Variants in RBFOX1 observed in about 807,000 individuals in gnomAD.
The protein encoded by RBFOX1 is RNA binding protein fox-1 homolog 1.
A neutral mutation model predicts 57.7 loss-of-function variants in RBFOX1; 8 were observed. The ratio of observed to expected loss-of-function variants is 0.14; its 90% CI spans 0.08 to 0.25. RBFOX1 has a LOEUF of 0.25. Ranked by LOEUF, RBFOX1 falls within the 10% of genes least tolerant of loss-of-function variation. The probability of loss-of-function intolerance (pLI) is 1.00; values close to 1 mark genes in which losing one functional copy is unlikely to be tolerated. For synonymous variants in RBFOX1, 326 were observed against 222.4 expected, an observed-to-expected ratio of 1.47 and a Z score of -4.15; for missense variants, 611 against 548.5, an observed-to-expected ratio of 1.11 and a Z score of -1.14.
intron 3 of RBFOX1, among the ~76,000 whole-genome samples, chr16:5,713,716 C>T (rs1221595879): frequency 3.9e-5 from 6 of 152,168 alleles, no homozygotes; most frequent in Non-Finnish European, 7.3e-5. Context: ...TCTGGACGCA[C>T]AAAGTGCCCA....
At chr16:7,014,414 TA>T (rs1299465130) in intron 3 of RBFOX1, among the ~76,000 whole-genome samples, 2 of 151,800 alleles carry the variant, frequency 1.3e-5, no homozygotes, top group African/African-American at 4.8e-5. Context: ...TATTTTATTT[TA>T]TTTTTTTTTA....
chr16:7,068,030 T>C (rs1057113480), intron 4 of RBFOX1, among the ~76,000 whole-genome samples: 6 of 150,544 alleles, frequency 4.0e-5, no homozygotes, highest in African/African-American at 1.5e-4. Flanking sequence ...ATCACTCTCA[T>C]GGTTTGACTC....
intron 4 of RBFOX1, among the ~76,000 whole-genome samples, chr16:7,487,988 T>G (rs1474750478): frequency 6.6e-6 from 1 of 152,124 alleles, no homozygotes; most frequent in Non-Finnish European, 1.5e-5. Context: ...TAATTAACTC[T>G]GGAGCGTAGA....
chr16:6,201,178 G>A (rs1241001467), intron 1 of RBFOX1, among the ~76,000 whole-genome samples: 1 of 152,016 alleles, frequency 6.6e-6, no homozygotes, highest in Non-Finnish European at 1.5e-5. Context: ...TGTATCTATG[G>A]TACCACAGTG....
chr16:6,434,275 G>A (rs1237850376), intron 2 of RBFOX1, among the ~76,000 whole-genome samples: 1 of 152,134 alleles, frequency 6.6e-6, no homozygotes, highest in Admixed American at 6.5e-5. Context: ...CACATTCAGA[G>A]GTTCTGGAGA....
chr16:6,749,098 A>G (rs2074381715), intron 3 of RBFOX1: 1 of 152,206 alleles, frequency 6.6e-6, no homozygotes, highest in Non-Finnish European at 1.5e-5. Flanking sequence ...AGTGAAAAGT[A>G]TTGGAAACCA....
chr16:7,482,576 A>T (rs1277130232), intron 4 of RBFOX1, among the ~76,000 whole-genome samples: 1 of 115,644 alleles, frequency 8.6e-6, no homozygotes, highest in Non-Finnish European at 1.6e-5. Flanking sequence ...TTTGGAAAGC[A>T]GTCATGAAGA....
chr16:7,538,417 T>C (rs2082062330), intron 5 of RBFOX1, among the ~76,000 whole-genome samples: 1 of 152,146 alleles, frequency 6.6e-6, no homozygotes, highest in Admixed American at 6.5e-5. Context: ...GAGGAAAATG[T>C]AATTCTCCTC....
chr16:6,426,136 C>G (rs753692037), intron 2 of RBFOX1, among the ~76,000 whole-genome samples: 5 of 152,022 alleles, frequency 3.3e-5, no homozygotes, highest in Non-Finnish European at 5.9e-5. Flanking sequence ...TATTCTCTCT[C>G]TCTCTGTCTC....
At chr16:6,641,345 C>G (rs2098486005) in intron 2 of RBFOX1, among the ~76,000 whole-genome samples, 1 of 152,128 alleles carries the variant, frequency 6.6e-6, no homozygotes, top group African/African-American at 2.4e-5. Context: ...CCTCCCAACG[C>G]TGACATCTGT....
At chr16:6,293,579 A>G (rs545099993) in intron 1 of RBFOX1, among the ~76,000 whole-genome samples, 1 of 152,246 alleles carries the variant, frequency 6.6e-6, no homozygotes, top group South Asian at 2.1e-4. Context: ...CAAGCAATAA[A>G]CATCTGTGAG....
intron 4 of RBFOX1, among the ~76,000 whole-genome samples, chr16:5,988,395 C>T (rs1272686045): frequency 6.6e-6 from 1 of 152,132 alleles, no homozygotes; most frequent in Non-Finnish European, 1.5e-5. Flanking sequence ...CGTTATCAAG[C>T]CTCTAATATT....
intron 4 of RBFOX1, among the ~76,000 whole-genome samples, chr16:7,385,047 G>A (rs1170835981): frequency 6.6e-6 from 1 of 152,186 alleles, no homozygotes; most frequent in Non-Finnish European, 1.5e-5. Context: ...TACCCTAAGA[G>A]GAGAGGACCT....
At position 5,551,007 on chromosome 16, in the gene RBFOX1, G is replaced by C. The variant is rs115146893; in HGVS notation, c.259-47895G>C. Among the ~76,000 whole-genome samples the C allele has an allele frequency of 3.8e-3, 584 of 152,252 alleles. 1 individual carries two copies. Among genetic ancestry groups the C allele is most frequent in the African/African-American group, 0.013 (556 of 41,546 alleles). On this transcript the variant is annotated intron_variant, in intron 2 of 2. Transcript: ENST00000585867. ...TCTTATTTCTGGCCCATAACTCTCT[G>C]TAATAAAGCATATCAAACGCTCAGG...
At chr16:7,433,113 C>A (rs1299041500) in intron 4 of RBFOX1, among the ~76,000 whole-genome samples, 1 of 152,196 alleles carries the variant, frequency 6.6e-6, no homozygotes, top group Non-Finnish European at 1.5e-5. Flanking sequence ...TTGGTGTGCC[C>A]ATTGAATTCC....
At chr16:6,828,709 G>T (rs972177200) in intron 3 of RBFOX1, among the ~76,000 whole-genome samples, 4 of 151,960 alleles carry the variant, frequency 2.6e-5, no homozygotes, top group African/African-American at 9.7e-5. Context: ...TGTGACTTGG[G>T]ATGTTAATGA....
intron 15 of RBFOX1, chr16:7,710,165 G>A: frequency 1.9e-6 from 2 of 1,028,062 alleles, no homozygotes; most frequent in Non-Finnish European, 2.3e-6. Flanking sequence ...ATTCCATACA[G>A]CTTACAGAGC....
chr16:7,067,781 T>C (rs9923391), intron 4 of RBFOX1, among the ~76,000 whole-genome samples: 104,647 of 147,730 alleles, frequency 0.71, 37,775 homozygotes, highest in East Asian at 0.91. Context: ...TGAGAATATG[T>C]GTTGTTTGAT....
intron 4 of RBFOX1, among the ~76,000 whole-genome samples, chr16:7,238,078 C>T (rs1259970703): frequency 6.6e-6 from 1 of 152,202 alleles, no homozygotes; most frequent in African/African-American, 2.4e-5. Context: ...GTGAAATGAG[C>T]TTGTCACAAA....
Sources: gnomAD v4.1 joint callset for allele counts (sites outside exome capture counted in the v4.1 genomes callset) on GRCh38, gnomAD v4.1.1 for gene constraint, MANE v1.5 for transcripts, NCBI Gene and HGNC (gene_info 2026-07-23, HGNC 2026-07-21) for gene names.